Variants in ORMDL1 observed in about 807,000 individuals in gnomAD.
The protein encoded by ORMDL1 is ORM1-like protein 1.
A neutral mutation model predicts 13.0 loss-of-function variants in ORMDL1; 10 were observed. The ratio of observed to expected loss-of-function variants is 0.77; its 90% CI spans 0.47 to 1.30. The LOEUF is 1.30. Among genes scored for constraint, ORMDL1 ranks in the 50% most tolerant of loss-of-function variants. The pLI is 0.00. For missense variants in ORMDL1, 171 were observed against 186.7 expected (o/e 0.92, Z 0.49); for synonymous variants, 61 against 63.9 (o/e 0.95, Z 0.22).
At position 189,781,673 on chromosome 2, in the gene ORMDL1, A is replaced by G. The variant is rs567390979; in HGVS notation, c.174+749T>C. 6.0e-5 allele frequency among the ~76,000 whole-genome samples: 9 copies of G among 150,286 alleles called. 1 individual carries two copies. In the East Asian group the frequency reaches 1.6e-3, roughly 26 times the overall value. On this transcript the variant is annotated intron_variant, in intron 3 of 4. Transcript: ENST00000392349. ...TATTTTCTAGATTCTATACAATGAG[A>G]AAAAAAAAAGTCTTACTTAGAAAAA...
At chr2:189,766,713 G>T (rs2047488447), downstream of ORMDL1, among the ~76,000 whole-genome samples, 1 of 121,240 alleles carries the variant, frequency 8.2e-6, no homozygotes, top group Non-Finnish European at 1.7e-5. Flanking sequence ...AACAGAAGGA[G>T]ACTCCCGTCT....
At chr2:189,768,668 G>A (rs2047521458), downstream of ORMDL1, among the ~76,000 whole-genome samples, 1 of 152,080 alleles carries the variant, frequency 6.6e-6, no homozygotes, top group Admixed American at 6.5e-5. Flanking sequence ...AGTGATATGT[G>A]GTTGTCAAAA....
intron 4 of ORMDL1, among the ~76,000 whole-genome samples, chr2:189,773,341 A>G (rs548106797): frequency 6.6e-6 from 1 of 152,354 alleles, no homozygotes; most frequent in South Asian, 2.1e-4. Context: ...GACCTGTATT[A>G]CAAGATAGTA....
chr2:189,766,804 C>A (rs1048004040), downstream of ORMDL1, among the ~76,000 whole-genome samples: 1 of 152,050 alleles, frequency 6.6e-6, no homozygotes, highest in Non-Finnish European at 1.5e-5. Flanking sequence ...AACCACCATT[C>A]CACTTTAAAT....
chr2:189,777,812 C>T (rs753425933), intron 3 of ORMDL1, among the ~76,000 whole-genome samples: 37 of 152,234 alleles, frequency 2.4e-4, no homozygotes, highest in Non-Finnish European at 4.7e-4. Context: ...TTCTACTGTA[C>T]GGTTCAGAAA....
At chr2:189,778,091 T>C in intron 3 of ORMDL1, 1 of 436,054 alleles carries the variant, frequency 2.3e-6, no homozygotes, top group Non-Finnish European at 4.5e-6. Flanking sequence ...TGAAACACGG[T>C]TAGGGGGTGG....
At chr2:189,776,368 C>T (rs753687656) in intron 3 of ORMDL1, among the ~76,000 whole-genome samples, 2 of 152,070 alleles carry the variant, frequency 1.3e-5, no homozygotes, top group Non-Finnish European at 2.9e-5. Flanking sequence ...AAAAGCCATT[C>T]TGTCAGATCA....
chr2:189,780,843 A>G (rs895728713), intron 3 of ORMDL1, among the ~76,000 whole-genome samples: 1 of 152,258 alleles, frequency 6.6e-6, no homozygotes, highest in Non-Finnish European at 1.5e-5. Flanking sequence ...ACACATATTT[A>G]TCATGTCTAC....
Position 189,770,950 on chromosome 2 carries a change from G to T in ORMDL1, c.*817C>A, listed in dbSNP as rs1438540314. ...GATGACAAACTTTCCCAATTAAATT[G>T]TTCAACCAAATAAGCAGACACCTTT... On this transcript the variant is annotated 3_prime_UTR_variant, in exon 5 of 5. Coordinates refer to ENST00000392349, the MANE Select transcript of ORMDL1 (RefSeq NM_016467.5). The T allele has an allele frequency of 2.0e-5, 3 of 152,082 alleles. No individual in the cohort carries two copies. The highest frequency in any genetic ancestry group is 4.8e-5 in the African/African-American group (2 of 41,408). 9.4% of individuals were successfully genotyped at this position (152,082 alleles called of 1,614,324 possible).
Position 189,775,646 on chromosome 2 carries a change from A to C in ORMDL1, c.245T>G (p.Leu82Arg). 6.2e-7 allele frequency: 1 copy of C among 1,613,998 alleles called. No individual in the cohort carries two copies. The highest frequency in any genetic ancestry group is 8.5e-7 in the Non-Finnish European group (1 of 1,179,890). The change falls in exon 4 of 5, where the codon CTC becomes CGC. Residue 82 changes from leucine to arginine, a missense_variant. By Grantham distance (102) the Leu-to-Arg change is moderately radical. Transcript: ENST00000392349. ...FETPDQGKAR[L>R]LTHWEQLDYG... ...GTCCAGTTGTTCCCAATGAGTTAGGAGCCTTGCTTTACCCTGGTCAGGAGT... is the reference window on the plus strand; with the variant it reads ...GTCCAGTTGTTCCCAATGAGTTAGGCGCCTTGCTTTACCCTGGTCAGGAGT...
chr2:189,783,830 A>C (rs1341488554), intron 1 of ORMDL1, among the ~76,000 whole-genome samples: 1 of 152,182 alleles, frequency 6.6e-6, no homozygotes, highest in Non-Finnish European at 1.5e-5. Context: ...ACCTTTTCCC[A>C]GCAGGTTTGC....
At chr2:189,775,170 C>CT (rs1387166614) in intron 4 of ORMDL1, 3 of 155,048 alleles carry the variant, frequency 1.9e-5, no homozygotes, top group African/African-American at 7.2e-5. Flanking sequence ...GTCTGAATAT[C>CT]TTAATAGGAT....
At chr2:189,773,722 C>CA (rs56366510) in intron 4 of ORMDL1, among the ~76,000 whole-genome samples, 8 of 64,316 alleles carry the variant, frequency 1.2e-4, no homozygotes, top group African/African-American at 4.5e-4. Context: ...ACTCTTGTCT[C>CA]AAAAAAAAAA....
At chr2:189,765,395 T>C (rs896850644), downstream of ORMDL1, 3 of 152,196 alleles carry the variant, frequency 2.0e-5, no homozygotes, top group Admixed American at 2.0e-4. Context: ...GTGCCACAGA[T>C]GTATGCCAGC....
At chr2:189,776,414 T>A (rs578105709) in intron 3 of ORMDL1, among the ~76,000 whole-genome samples, 7 of 152,194 alleles carry the variant, frequency 4.6e-5, no homozygotes, top group African/African-American at 1.7e-4. Flanking sequence ...ATCAATAGGG[T>A]AGAAAAAAAC....
At chr2:189,765,947 C>T (rs1389837661), downstream of ORMDL1, among the ~76,000 whole-genome samples, 1 of 150,998 alleles carries the variant, frequency 6.6e-6, no homozygotes, top group African/African-American at 2.4e-5. Context: ...CTGCCCCAGC[C>T]TCCTGAGTAG....
chr2:189,773,654 G>A (rs138554290), intron 4 of ORMDL1, among the ~76,000 whole-genome samples: 2,426 of 139,762 alleles, frequency 0.017, 67 homozygotes, highest in African/African-American at 0.06. Flanking sequence ...CCTGGGAGGC[G>A]GAGGTTGCAG....
chr2:189,782,282 C>T, intron 3 of ORMDL1, 140 bp downstream of exon 3: 2 of 648,350 alleles, frequency 3.1e-6, no homozygotes, highest in South Asian at 2.0e-5. Context: ...TTACCATCCA[C>T]ATCCAGAACT....
rs996094269 is a variant in ORMDL1, at chr2:189,770,537, T to C, written c.*1230A>G. 3 of 152,232 alleles carry C rather than the reference T, an allele frequency of 2.0e-5. No homozygotes were observed. Among genetic ancestry groups the C allele is most frequent in the African/African-American group, 7.2e-5 (3 of 41,462 alleles). The allele number at this position is 152,232 out of a possible 1,614,324, so 9.4% of individuals were successfully genotyped here. The stretch of plus-strand genomic sequence containing the variant: ...CTGTAACTCTTTTCATTCAATTCTG[T>C]TTATAAATGTTACTGAATTTTTAAA... On this transcript the variant is annotated 3_prime_UTR_variant, in exon 5 of 5. Coordinates refer to ENST00000392349, the MANE Select transcript of ORMDL1 (RefSeq NM_016467.5).
Sources: gnomAD v4.1 joint callset for allele counts (sites outside exome capture counted in the v4.1 genomes callset) on GRCh38, gnomAD v4.1.1 for gene constraint, MANE v1.5 for transcripts, NCBI Gene and HGNC (gene_info 2026-07-23, HGNC 2026-07-21) for gene names.